VPS35L: variants seen among roughly 807,000 people sequenced by gnomAD.
VPS35L encodes VPS35 endosomal protein sorting factor like.
In VPS35L, 83 loss-of-function variants were observed where a neutral mutation model predicts 133.0. That is an observed-to-expected ratio of 0.62 (90% confidence interval 0.52 to 0.75). The LOEUF (loss-of-function observed/expected upper bound fraction) is 0.75. VPS35L is among the 30% of genes least tolerant of loss of function. The pLI is 0.00. For missense variants in VPS35L, 1,083 were observed against 1,206.8 expected (o/e 0.90, Z 1.52); for synonymous variants, 423 against 449.9 (o/e 0.94, Z 0.76).
intron 7 of VPS35L, among the ~76,000 whole-genome samples, chr16:19,585,406 C>CT (rs201727936): frequency 0.039 from 5,354 of 138,056 alleles, 164 homozygotes; most frequent in East Asian, 0.12. Context: ...TTTCTTTTTT[C>CT]TTTTTTTTTT....
At chr16:19,668,182 T>C (rs1018754318) in intron 26 of VPS35L, among the ~76,000 whole-genome samples, 31 of 152,328 alleles carry the variant, frequency 2.0e-4, no homozygotes, top group Non-Finnish European at 4.4e-4. Context: ...CAGGATGCTG[T>C]TCACCCCTAC....
chr16:19,649,859 C>T (rs1478374088), intron 24 of VPS35L, among the ~76,000 whole-genome samples: 1 of 152,114 alleles, frequency 6.6e-6, no homozygotes, highest in Non-Finnish European at 1.5e-5. Flanking sequence ...TAATAGTATC[C>T]ACCCTGGGAT....
At chr16:19,688,080 C>T (rs552909165) in intron 28 of VPS35L, among the ~76,000 whole-genome samples, 1 of 152,116 alleles carries the variant, frequency 6.6e-6, no homozygotes, top group Admixed American at 6.6e-5. Flanking sequence ...GCACACATCA[C>T]CACATAGAGC....
chr16:19,699,554 C>T lies in VPS35L; in HGVS notation c.2699C>T (p.Ala900Val). The T allele has an allele frequency of 6.2e-7, 1 of 1,614,190 alleles. No individual in the cohort carries two copies. Among genetic ancestry groups the T allele is most frequent in the Non-Finnish European group, 8.5e-7 (1 of 1,180,034 alleles). Residue 900 changes from alanine (A) to valine (V), a missense_variant, in exon 30 of 31, where the codon GCC becomes GTC. Ala to Val is a moderately conservative substitution (Grantham distance 64). Transcript: ENST00000417362. This position sits in a 1 kb window ranked among gnomAD's most constrained non-coding sequence, Gnocchi z 4.2. ...LGLSFFNSIL[A>V]HGDLRNNKLN... ...CTTTCCTTCTTTAACAGCATCTTGG[C>T]CCATGGGGACCTACGCAACAACAAG...
At chr16:19,657,069 G>T (rs1020033818) in intron 26 of VPS35L, among the ~76,000 whole-genome samples, 1 of 149,686 alleles carries the variant, frequency 6.7e-6, no homozygotes, top group Non-Finnish European at 1.5e-5. Flanking sequence ...AAGTTCAAGT[G>T]ATTTTCCTGC....
chr16:19,645,002 T>C (rs1043809800), intron 23 of VPS35L, 53 bp downstream of exon 23: 26 of 1,273,148 alleles, frequency 2.0e-5, no homozygotes, highest in Non-Finnish European at 2.9e-5. Flanking sequence ...TGTAATTGTT[T>C]ATCCTTATGT....
At chr16:19,570,380 A>G (rs1001550882) in intron 3 of VPS35L, among the ~76,000 whole-genome samples, 1 of 152,136 alleles carries the variant, frequency 6.6e-6, no homozygotes, top group African/African-American at 2.4e-5. Flanking sequence ...TTTATTTTTA[A>G]TTTTAATTTT....
chr16:19,562,019 G>T (rs1971045187), intron 1 of VPS35L, among the ~76,000 whole-genome samples: 2 of 152,016 alleles, frequency 1.3e-5, no homozygotes, highest in Admixed American at 1.3e-4. Flanking sequence ...GCAGGAGGAT[G>T]GCTTAAACCT....
intron 26 of VPS35L, among the ~76,000 whole-genome samples, chr16:19,666,032 T>C (rs573234501): frequency 1.3e-5 from 2 of 152,224 alleles, no homozygotes; most frequent in African/African-American, 4.8e-5. Flanking sequence ...GATTATTAGA[T>C]TTTTTTTCCT....
intron 24 of VPS35L, among the ~76,000 whole-genome samples, chr16:19,649,164 A>G (rs1974047826): frequency 6.6e-6 from 1 of 151,720 alleles, no homozygotes; most frequent in African/African-American, 2.4e-5. Flanking sequence ...AATTCTTTGT[A>G]TTTTTTAGTA....
intron 18 of VPS35L, among the ~76,000 whole-genome samples, chr16:19,630,210 A>G (rs1385694031): frequency 6.6e-6 from 1 of 152,174 alleles, no homozygotes; most frequent in Non-Finnish European, 1.5e-5. Flanking sequence ...GGCACAGACT[A>G]GAACCACAGT....
intron 2 of VPS35L, among the ~76,000 whole-genome samples, chr16:19,568,748 C>G (rs1971269015): frequency 6.6e-6 from 1 of 152,146 alleles, no homozygotes; most frequent in Non-Finnish European, 1.5e-5. Flanking sequence ...TGGGCTCCAG[C>G]CATCCTCCCA....
At chr16:19,668,591 A>G (rs1029780294) in intron 26 of VPS35L, among the ~76,000 whole-genome samples, 1 of 147,402 alleles carries the variant, frequency 6.8e-6, no homozygotes, top group Non-Finnish European at 1.5e-5. Context: ...CTTTAAGCTG[A>G]GTGTGTGTGT....
At chr16:19,610,227 C>A in intron 11 of VPS35L, 95 bp from the exon 12 acceptor site, 1 of 1,093,160 alleles carries the variant, frequency 9.1e-7, no homozygotes, top group Non-Finnish European at 1.3e-6. Flanking sequence ...CCCCCCCTCC[C>A]TGAAATTTAG....
chr16:19,693,762 C>T (rs144098980), intron 29 of VPS35L, among the ~76,000 whole-genome samples: 2,577 of 151,284 alleles, frequency 0.017, 68 homozygotes, highest in African/African-American at 0.059. Context: ...CCAGCCTGGG[C>T]GACAGAGTGA....
At chr16:19,691,638 T>G (rs973592952) in intron 29 of VPS35L, among the ~76,000 whole-genome samples, 167 bp downstream of exon 29, 11 of 152,222 alleles carry the variant, frequency 7.2e-5, no homozygotes, top group Non-Finnish European at 2.9e-5. Flanking sequence ...TGCTGTTTTC[T>G]CTGCCTGGAC....
At position 19,570,870 on chromosome 16, in the gene VPS35L, TATATATA is replaced by T. The variant is rs1567388634; in HGVS notation, c.285+1280_285+1286del. Among the ~76,000 whole-genome samples the T allele has an allele frequency of 2.0e-4, 17 of 85,402 alleles. 1 individual carries two copies. Among genetic ancestry groups the T allele is most frequent in the African/African-American group, 1.0e-3 (17 of 16,726 alleles). The allele number at this position is 85,402 out of a possible 152,430, so 56.0% of individuals were successfully genotyped here. A position where few individuals can be genotyped will look rare whatever the true frequency, so the allele number is the denominator to read the frequency against. ...ATATATATATATATATATATATATA[TATATATA>T]TATATATATATATTTTTGAGATGAA... is the stretch of plus-strand genomic sequence containing the variant. On this transcript the variant is annotated intron_variant, in intron 3 of 30. Coordinates refer to ENST00000417362, the MANE Select transcript of VPS35L (RefSeq NM_020314.7).
intron 8 of VPS35L, among the ~76,000 whole-genome samples, chr16:19,594,359 C>G (rs1972134298): frequency 1.3e-5 from 2 of 152,102 alleles, no homozygotes; most frequent in African/African-American, 4.8e-5. Context: ...AAATCCTTGC[C>G]TTGGCTAGGC....
At chr16:19,681,401 C>T (rs117079951) in intron 27 of VPS35L, among the ~76,000 whole-genome samples, 2 of 152,164 alleles carry the variant, frequency 1.3e-5, no homozygotes, top group East Asian at 1.9e-4. Flanking sequence ...CCTGCCGCTG[C>T]GGGTTCCAAT....
Sources: allele counts gnomAD v4.1 joint callset (sites outside exome capture counted in the v4.1 genomes callset), GRCh38; gene constraint gnomAD v4.1.1; non-coding constraint Gnocchi (gnomAD v3.1); transcripts MANE v1.5; gene names NCBI Gene and HGNC (gene_info 2026-07-23, HGNC 2026-07-21).